FAM163A: variants seen among roughly 807,000 people sequenced by gnomAD.
FAM163A encodes family with sequence similarity 163 member A.
In FAM163A, 7 loss-of-function variants were observed where a neutral mutation model predicts 12.0. The observed-to-expected ratio is 0.58, with a 90% CI of 0.33 to 1.10. The LOEUF (loss-of-function observed/expected upper bound fraction) is 1.10. FAM163A is among the 50% of genes least tolerant of loss of function. The pLI is 0.03. For missense variants in FAM163A, 202 were observed against 218.6 expected, an observed-to-expected ratio of 0.92 and a Z score of 0.48; for synonymous variants, 101 against 91.0, an observed-to-expected ratio of 1.11 and a Z score of -0.62.
chr1:179,782,184 C>T (rs1031013026), intron 1 of FAM163A, among the ~76,000 whole-genome samples: 3 of 152,044 alleles, frequency 2.0e-5, no homozygotes, highest in Non-Finnish European at 4.4e-5. Flanking sequence ...GGCCTCTGTG[C>T]GCATGGATAT....
the FAM163A span, among the ~76,000 whole-genome samples, chr1:179,734,411 C>CT: frequency 0.043 from 6,519 of 152,104 alleles, 174 homozygotes; most frequent in South Asian, 0.066. Flanking sequence ...ACGAATACTC[C>CT]TTTTTTTTAT....
At chr1:179,762,841 CATG>C (rs1244053529) in intron 1 of FAM163A, among the ~76,000 whole-genome samples, 1 of 152,184 alleles carries the variant, frequency 6.6e-6, no homozygotes, top group African/African-American at 2.4e-5. Flanking sequence ...CTTCAGGCGA[CATG>C]ATGATGGTCC....
the FAM163A span, among the ~76,000 whole-genome samples, chr1:179,734,758 A>T: frequency 6.6e-6 from 1 of 152,224 alleles, no homozygotes; most frequent in South Asian, 2.1e-4. Flanking sequence ...ATAAACATTC[A>T]GTCCATTGCA....
upstream of FAM163A, chr1:179,742,195 T>C (rs1683735384): frequency 6.6e-6 from 1 of 152,192 alleles, no homozygotes; most frequent in African/African-American, 2.4e-5. Flanking sequence ...TTTTTAACAG[T>C]GTATTAGGAA....
intron 1 of FAM163A, among the ~76,000 whole-genome samples, chr1:179,775,128 C>A (rs763656687): frequency 3.9e-5 from 6 of 152,288 alleles, no homozygotes; most frequent in Admixed American, 3.9e-4. Context: ...CCAAATACCC[C>A]CAGAGGCTCC....
chr1:179,810,233 CA>C (rs1415609271), intron 2 of FAM163A, among the ~76,000 whole-genome samples: 2 of 152,128 alleles, frequency 1.3e-5, no homozygotes, highest in Non-Finnish European at 2.9e-5. Flanking sequence ...ATTTGAAGAG[CA>C]AACCATGAAG....
upstream of FAM163A, chr1:179,742,690 A>C (rs2245702): frequency 0.27 from 41,823 of 152,112 alleles, 5,965 homozygotes; most frequent in South Asian, 0.42. Context: ...GTGATTTCAG[A>C]CAAGAAATCT....
intron 3 of FAM163A, among the ~76,000 whole-genome samples, chr1:179,812,641 C>T (rs1452021662): frequency 6.6e-6 from 1 of 152,114 alleles, no homozygotes; most frequent in Non-Finnish European, 1.5e-5. Flanking sequence ...GTTCAGCATG[C>T]GTGCGGTAGG....
chr1:179,748,870 T>G (rs1417335095), intron 1 of FAM163A, among the ~76,000 whole-genome samples: 1 of 152,260 alleles, frequency 6.6e-6, no homozygotes, highest in Non-Finnish European at 1.5e-5. Context: ...GCCTTAGTAA[T>G]TCGTCATTTA....
intron 1 of FAM163A, among the ~76,000 whole-genome samples, chr1:179,783,121 C>A (rs1268681133): frequency 7.3e-6 from 1 of 136,506 alleles, no homozygotes; most frequent in Non-Finnish European, 1.6e-5. Flanking sequence ...AAGAGTGAAA[C>A]TCCGTCTTAA....
Position 179,745,916 on chromosome 1 carries a change from T to C in FAM163A, c.-136+2493T>C, listed in dbSNP as rs934452141. Among the ~76,000 whole-genome samples the C allele has an allele frequency of 7.2e-5, 11 of 152,286 alleles. No homozygotes were observed. The East Asian group carries it at 1.5e-3, about 21-fold the overall frequency. On this transcript the variant is annotated intron_variant, in intron 1 of 4. Transcript: ENST00000341785. ...ACATGTGGTAGCTGGAAATCCAGAA[T>C]TGTCGTGAATAAAGACTCTTACTTG...
intron 1 of FAM163A, among the ~76,000 whole-genome samples, chr1:179,786,331 C>T (rs911311917): frequency 6.6e-6 from 1 of 152,152 alleles, no homozygotes; most frequent in Non-Finnish European, 1.5e-5. Flanking sequence ...CTCAGGTCTC[C>T]CCAGGGTAGA....
the FAM163A span, among the ~76,000 whole-genome samples, chr1:179,737,521 C>T: frequency 1.3e-5 from 2 of 150,384 alleles, no homozygotes; most frequent in African/African-American, 2.5e-5. Context: ...GTTCTTACAA[C>T]AACGAACGCC....
chr1:179,777,696 T>TAATG (rs2148155147), intron 1 of FAM163A, among the ~76,000 whole-genome samples: 1 of 152,326 alleles, frequency 6.6e-6, no homozygotes, highest in Admixed American at 6.5e-5. Flanking sequence ...TTTAAATATG[T>TAATG]AATGGTGTAG....
intron 1 of FAM163A, among the ~76,000 whole-genome samples, chr1:179,783,282 C>T (rs533227696): frequency 3.8e-3 from 579 of 152,214 alleles, no homozygotes; most frequent in Middle Eastern, 0.01. Flanking sequence ...GTTGCTGCTT[C>T]TGGAAAGGGA....
the FAM163A span, among the ~76,000 whole-genome samples, chr1:179,736,337 A>T: frequency 6.6e-6 from 1 of 152,186 alleles, no homozygotes; most frequent in Admixed American, 6.5e-5. Flanking sequence ...TGACAAAAAA[A>T]AAAAATAACC....
At chr1:179,794,671 G>A (rs1257015471) in intron 1 of FAM163A, among the ~76,000 whole-genome samples, 2 of 152,214 alleles carry the variant, frequency 1.3e-5, no homozygotes, top group African/African-American at 4.8e-5. Flanking sequence ...ACAAATGTGA[G>A]TATGCACTAT....
chr1:179,773,589 T>A (rs1297187726), intron 1 of FAM163A, among the ~76,000 whole-genome samples: 4 of 152,190 alleles, frequency 2.6e-5, no homozygotes, highest in Non-Finnish European at 5.9e-5. Flanking sequence ...GGAGGTGTCA[T>A]AAGCAACTAG....
At chr1:179,750,901 C>T (rs909800381) in intron 1 of FAM163A, among the ~76,000 whole-genome samples, 4 of 152,030 alleles carry the variant, frequency 2.6e-5, no homozygotes, top group African/African-American at 7.3e-5. Flanking sequence ...GTGAGAAATT[C>T]GAGATGGTAA....
Sources: allele counts gnomAD v4.1 joint callset (sites outside exome capture counted in the v4.1 genomes callset), GRCh38; gene constraint gnomAD v4.1.1; transcripts MANE v1.5; gene names NCBI Gene and HGNC (gene_info 2026-07-23, HGNC 2026-07-21).